Variants in NAA15 observed in about 807,000 individuals in gnomAD.
NAA15 encodes the protein N-alpha-acetyltransferase 15, NatA auxiliary subunit.
NAA15 carries 34 observed loss-of-function variants against 114.0 expected under a neutral mutation model. The observed-to-expected ratio is 0.30, with a 90% CI of 0.23 to 0.40. NAA15 has a LOEUF of 0.40. Ranked by LOEUF, NAA15 falls within the 10% of genes least tolerant of loss-of-function variation. The pLI, the probability that NAA15 is intolerant of heterozygous loss-of-function variation, is 1.00. For synonymous variants in NAA15, 340 were observed against 338.0 expected, an observed-to-expected ratio of 1.01 and a Z score of -0.06; for missense variants, 658 against 1,004.5, an observed-to-expected ratio of 0.66 and a Z score of 4.66.
intron 6 of NAA15, among the ~76,000 whole-genome samples, chr4:139,348,038 CAAAAA>C (rs59533947): frequency 3.2e-5 from 2 of 62,766 alleles, no homozygotes; most frequent in Non-Finnish European, 7.0e-5. Flanking sequence ...GACTCCGTCT[CAAAAA>C]AAAAAAAAAA....
In NAA15 at chr4:139,359,744, A is replaced by C; in HGVS notation, c.1259A>C (p.His420Pro). Reference sequence around the variant, plus strand: ...TATTTTGCTTTTGTACCTTATAAGCATGCTGGAAATATTAAAGAAGCTGCA... The same window carrying C: ...TATTTTGCTTTTGTACCTTATAAGCCTGCTGGAAATATTAAAGAAGCTGCA... ...LFLVKAKIYK[H>P]AGNIKEAARW... Residue 420 changes from histidine to proline, a missense_variant and splice_region_variant, in exon 12 of 20, where the codon CAT becomes CCT. Physicochemically the swap from His to Pro is moderately conservative, Grantham distance 77 (BLOSUM62 -2). Around this residue, in one of 6 missense-constraint regions of NAA15, gnomAD observed 281 missense variants for 389.1 expected, o/e 0.72. Transcript: ENST00000296543. 1 of 1,600,766 alleles carries C rather than the reference A, an allele frequency of 6.2e-7. No individual in the cohort carries two copies. Among genetic ancestry groups the C allele is most frequent in the Non-Finnish European group, 8.5e-7 (1 of 1,177,016 alleles).
At position 139,316,719 on chromosome 4, in the gene NAA15, TTGTTATCTTA is replaced by T. The variant is rs1490538507; in HGVS notation, c.54+14890_54+14899del. ...GCCAGATTTTATTGTACCAACAATA[TTGTTATCTTA>T]TTTTGTCTTATTTTGGTGATGGGGT... On this transcript the variant is annotated intron_variant, in intron 1 of 19. Coordinates refer to ENST00000296543, the MANE Select transcript of NAA15 (RefSeq NM_057175.5). Among the ~76,000 whole-genome samples the T allele has an allele frequency of 2.0e-5, 3 of 151,996 alleles. No homozygotes were observed. In the East Asian group the frequency reaches 5.8e-4, roughly 29 times the overall value.
At chr4:139,324,121 A>G (rs1304742625) in intron 1 of NAA15, among the ~76,000 whole-genome samples, 2 of 152,120 alleles carry the variant, frequency 1.3e-5, no homozygotes, top group Admixed American at 6.5e-5. Context: ...TGCTCAAGCA[A>G]TCTGCCCACC....
rs529594114 is a variant in NAA15, at chr4:139,388,498, T to G, written c.*414T>G. ...AAATGCTGTTTTAGCACTGGATTCT[T>G]TCACTGAGCACAAAGAGTTGTTGGG... On this transcript the variant is annotated 3_prime_UTR_variant, in exon 20 of 20. Transcript: ENST00000296543. 1 of 160,012 alleles carries G rather than the reference T, an allele frequency of 6.2e-6. No homozygotes were observed. The highest frequency in any genetic ancestry group is 1.4e-5 in the Non-Finnish European group (1 of 72,746). The allele number at this position is 160,012 out of a possible 1,614,324, so 9.9% of individuals were successfully genotyped here.
At chr4:139,370,076 A>T (rs1748392232) in intron 14 of NAA15, 135 bp from the exon 15 acceptor site, 4 of 687,892 alleles carry the variant, frequency 5.8e-6, no homozygotes, top group African/African-American at 5.6e-5. Flanking sequence ...AAGTGCTGGG[A>T]TTATAGGCAT....
chr4:139,330,359 G>A (rs945930326), intron 1 of NAA15, among the ~76,000 whole-genome samples: 6 of 152,154 alleles, frequency 3.9e-5, no homozygotes, highest in African/African-American at 1.4e-4. Flanking sequence ...GTCTTACTAT[G>A]TTTCTTTGGC....
chr4:139,340,388 G>A (rs1011116627), intron 3 of NAA15, among the ~76,000 whole-genome samples: 2 of 152,138 alleles, frequency 1.3e-5, no homozygotes, highest in African/African-American at 4.8e-5. Context: ...ATATGTGGCT[G>A]AGTTTTAGAA....
chr4:139,362,076 A>AG (rs1386354889), intron 14 of NAA15, 139 bp downstream of exon 14: 2 of 482,656 alleles, frequency 4.1e-6, no homozygotes, highest in Admixed American at 8.4e-5. Context: ...AAACAACAAA[A>AG]GAAAAATGTT....
intron 19 of NAA15, among the ~76,000 whole-genome samples, chr4:139,387,361 G>C (rs1387811138): frequency 6.6e-6 from 1 of 152,184 alleles, no homozygotes; most frequent in African/African-American, 2.4e-5. Flanking sequence ...ATCACTTCAT[G>C]TTTGAGACAC....
At chr4:139,386,666 T>TA (rs537996232) in intron 19 of NAA15, 227 of 147,964 alleles carry the variant, frequency 1.5e-3, no homozygotes, top group African/African-American at 3.9e-3. Context: ...CCCCATCTCT[T>TA]AAAAAAAAAA....
chr4:139,349,431 TA>T (rs776137706), intron 6 of NAA15, 30 bp from the exon 7 acceptor site: 11 of 1,501,240 alleles, frequency 7.3e-6, no homozygotes, highest in East Asian at 2.5e-5. Flanking sequence ...TCTCAGATAT[TA>T]AAATTTTTTT....
chr4:139,358,117 C>T (rs1003415019), intron 11 of NAA15, among the ~76,000 whole-genome samples: 2 of 151,790 alleles, frequency 1.3e-5, no homozygotes, highest in Admixed American at 6.6e-5. Flanking sequence ...TGATAATAAA[C>T]CAGTAATTTG....
intron 1 of NAA15, among the ~76,000 whole-genome samples, chr4:139,311,280 A>G (rs544391703): frequency 2.0e-5 from 3 of 152,094 alleles, no homozygotes; most frequent in African/African-American, 7.2e-5. Context: ...TAATGGCTCT[A>G]TTCACATTGG....
In NAA15 at chr4:139,334,733, G is replaced by A. The variant is rs186600263; in HGVS notation, c.139+475G>A. Among the ~76,000 whole-genome samples the A allele has an allele frequency of 2.3e-4, 35 of 152,310 alleles. No homozygotes were observed. The East Asian group carries it at 5.0e-3, about 22-fold the overall frequency. The stretch of plus-strand genomic sequence containing the variant: ...GTGTGAAGGTAGATTATTGGATGGT[G>A]AGATATTTGTAGAGCAAGGGGAGAG... On this transcript the variant is annotated intron_variant, in intron 2 of 19. Coordinates refer to ENST00000296543, the MANE Select transcript of NAA15 (RefSeq NM_057175.5).
intron 15 of NAA15, among the ~76,000 whole-genome samples, chr4:139,374,350 T>C (rs1211483531): frequency 6.6e-6 from 1 of 152,188 alleles, no homozygotes; most frequent in Non-Finnish European, 1.5e-5. Flanking sequence ...AAGAATAATA[T>C]GCATAATGAT....
chr4:139,328,239 C>T (rs1023827529), intron 1 of NAA15, among the ~76,000 whole-genome samples: 1 of 152,134 alleles, frequency 6.6e-6, no homozygotes. Flanking sequence ...TGGAGTCTCG[C>T]TCTGTTGCCC....
intron 2 of NAA15, among the ~76,000 whole-genome samples, chr4:139,335,901 A>G (rs1052053011): frequency 3.3e-5 from 5 of 151,520 alleles, no homozygotes; most frequent in Non-Finnish European, 4.4e-5. Flanking sequence ...CTGGCATTAC[A>G]GGTGCCCCCC....
intron 15 of NAA15, among the ~76,000 whole-genome samples, chr4:139,372,737 C>CT (rs1045064499): frequency 1.3e-5 from 2 of 150,578 alleles, no homozygotes; most frequent in African/African-American, 2.4e-5. Flanking sequence ...TCAACCCCCC[C>CT]TTTTTTTGGT....
chr4:139,334,493 GA>G lies in NAA15; in HGVS notation c.139+238del, dbSNP rs148169780. 0.27 allele frequency among the ~76,000 whole-genome samples: 40,395 copies of G among 152,112 alleles called. 5,677 individuals are homozygous for G. Among genetic ancestry groups the G allele is most frequent in the African/African-American group, 0.35 (14,675 of 41,442 alleles). ...TGAATATTACCTCTGTAGGAAAAGA[GA>G]AATAATAGGATAGAATGCTAAAATT... On this transcript the variant is annotated intron_variant, in intron 2 of 19. Coordinates refer to ENST00000296543, the MANE Select transcript of NAA15 (RefSeq NM_057175.5).
Sources: gnomAD v4.1 joint callset for allele counts (sites outside exome capture counted in the v4.1 genomes callset) on GRCh38, gnomAD v4.1.1 for gene constraint, gnomAD v4.1.1 regional missense constraint, MANE v1.5 for transcripts, NCBI Gene and HGNC (gene_info 2026-07-23, HGNC 2026-07-21) for gene names.